The following CCDC91 variants were observed in gnomAD, a reference collection of about 807,000 sequenced individuals.
CCDC91 encodes coiled-coil domain containing 91, also known as coiled-coil domain-containing protein 91.
Under a neutral mutation model 63.2 loss-of-function variants are expected in CCDC91, and 48 were observed. The ratio of observed to expected loss-of-function variants is 0.76; its 90% CI spans 0.60 to 0.97. CCDC91 has a LOEUF of 0.97. Among genes scored for constraint, CCDC91 ranks in the 50% least tolerant of loss-of-function variants. The pLI is 0.00. For synonymous variants in CCDC91, 167 were observed against 165.8 expected (o/e 1.01, Z -0.06); for missense variants, 500 against 494.6 (o/e 1.01, Z -0.10).
intron 6 of CCDC91, among the ~76,000 whole-genome samples, chr12:28,326,971 G>A (rs1941069042): frequency 6.6e-6 from 1 of 152,092 alleles, no homozygotes; most frequent in South Asian, 2.1e-4. Flanking sequence ...AGAGCCGAAA[G>A]TCACAGATAT....
intron 1 of CCDC91, among the ~76,000 whole-genome samples, chr12:28,200,786 T>TGGTGGCC (rs1942178191): frequency 6.6e-6 from 1 of 151,678 alleles, no homozygotes; most frequent in Non-Finnish European, 1.5e-5. Flanking sequence ...AATGAGCTGT[T>TGGTGGCC]GGGTACACCT....
chr12:28,266,010 A>G (rs1306902893), intron 3 of CCDC91, among the ~76,000 whole-genome samples: 1 of 152,032 alleles, frequency 6.6e-6, no homozygotes, highest in Non-Finnish European at 1.5e-5. Context: ...TCTTTTTGCT[A>G]CATCTTGTAT....
At chr12:28,376,606 A>G (rs1944962808) in intron 7 of CCDC91, among the ~76,000 whole-genome samples, 4 of 151,860 alleles carry the variant, frequency 2.6e-5, no homozygotes, top group Admixed American at 2.6e-4. Context: ...CATGGAAAAA[A>G]TACAGGCATA....
intron 12 of CCDC91, among the ~76,000 whole-genome samples, chr12:28,502,319 A>G (rs953451085): frequency 3.3e-5 from 5 of 151,878 alleles, no homozygotes; most frequent in Non-Finnish European, 7.4e-5. Context: ...TCATGAGTGA[A>G]CTCCCATTCA....
Position 28,452,612 on chromosome 12 carries a change from G to A in CCDC91, c.1059G>A (p.Gln353=), listed in dbSNP as rs368453340. ...EHAKDQEKVS[Q]EIQKAIQEQR... Reference sequence around the variant, plus strand: ...CAAAAGATCAAGAAAAAGTATCTCAGGAAATTCAAAAAGCTATACAAGAAC... The same window carrying A: ...CAAAAGATCAAGAAAAAGTATCTCAAGAAATTCAAAAAGCTATACAAGAAC... Residue 353 remains glutamine (Q), a synonymous_variant, in exon 11 of 13, where the codon CAG becomes CAA. Coordinates refer to ENST00000536442, the MANE Select transcript of CCDC91 (RefSeq NM_018318.5). The A allele has an allele frequency of 1.4e-5, 22 of 1,570,720 alleles. No individual in the cohort carries two copies. Among genetic ancestry groups the A allele is most frequent in the Non-Finnish European group, 1.7e-5 (20 of 1,159,394 alleles).
intron 8 of CCDC91, among the ~76,000 whole-genome samples, chr12:28,436,533 C>CA (rs1948917872): frequency 6.6e-6 from 1 of 151,656 alleles, no homozygotes. Context: ...TTAAGAATAA[C>CA]AAAAATAAAA....
At chr12:28,353,955 AT>A (rs1943354733) in intron 6 of CCDC91, among the ~76,000 whole-genome samples, 1 of 152,154 alleles carries the variant, frequency 6.6e-6, no homozygotes, top group African/African-American at 2.4e-5. Context: ...AGTAGGCTTA[AT>A]ACCTGTATGA....
At chr12:28,209,827 A>AT (rs142206682) in intron 1 of CCDC91, among the ~76,000 whole-genome samples, 39,682 of 152,112 alleles carry the variant, frequency 0.26, 5,446 homozygotes, top group Non-Finnish European at 0.31. Flanking sequence ...AAAAATTTAC[A>AT]TCCCATGCTT....
At chr12:28,410,565 A>G (rs1947253447) in intron 8 of CCDC91, among the ~76,000 whole-genome samples, 1 of 152,100 alleles carries the variant, frequency 6.6e-6, no homozygotes, top group Admixed American at 6.6e-5. Flanking sequence ...TCTGTCAGCC[A>G]GGCTGGAGTG....
intron 6 of CCDC91, among the ~76,000 whole-genome samples, chr12:28,329,330 T>C (rs1404073370): frequency 6.6e-6 from 1 of 152,212 alleles, no homozygotes; most frequent in Non-Finnish European, 1.5e-5. Context: ...GTGGCATGTA[T>C]TTCATTCCCA....
intron 12 of CCDC91, among the ~76,000 whole-genome samples, chr12:28,486,530 AGATG>A (rs2140948101): frequency 6.6e-6 from 1 of 152,160 alleles, no homozygotes; most frequent in East Asian, 1.9e-4. Flanking sequence ...TCTTTGGTTG[AGATG>A]GATGATTTTT....
At chr12:28,340,485 TC>T (rs1273280117) in intron 6 of CCDC91, among the ~76,000 whole-genome samples, 1 of 152,248 alleles carries the variant, frequency 6.6e-6, no homozygotes, top group African/African-American at 2.4e-5. Flanking sequence ...TCATTACATT[TC>T]TTTTGCTGTG....
chr12:28,501,273 A>G (rs528760699), intron 12 of CCDC91, among the ~76,000 whole-genome samples: 51 of 151,910 alleles, frequency 3.4e-4, no homozygotes, highest in African/African-American at 1.2e-3. Flanking sequence ...GAGGGCATCC[A>G]TGTCTTGTGC....
At chr12:28,473,823 A>G (rs1950943290) in intron 11 of CCDC91, among the ~76,000 whole-genome samples, 1 of 152,052 alleles carries the variant, frequency 6.6e-6, no homozygotes, top group Non-Finnish European at 1.5e-5. Context: ...TATTCCAAAC[A>G]AGCTCCTTTC....
At chr12:28,379,622 C>G (rs1374124823) in intron 7 of CCDC91, among the ~76,000 whole-genome samples, 2 of 152,260 alleles carry the variant, frequency 1.3e-5, no homozygotes, top group East Asian at 3.9e-4. Flanking sequence ...CATCTCACAC[C>G]AGTTAGAATG....
intron 1 of CCDC91, chr12:28,255,564 T>C (rs975925457): frequency 3.3e-5 from 5 of 152,214 alleles, no homozygotes; most frequent in African/African-American, 1.2e-4. Flanking sequence ...TCTGAAAGTC[T>C]GGTTTATATT....
At chr12:28,242,645 G>A (rs1213102041) in intron 1 of CCDC91, among the ~76,000 whole-genome samples, 1 of 152,068 alleles carries the variant, frequency 6.6e-6, no homozygotes, top group African/African-American at 2.4e-5. Context: ...TGGGGTCTAG[G>A]TTGTTATCAA....
intron 6 of CCDC91, among the ~76,000 whole-genome samples, chr12:28,309,164 C>T (rs1939054525): frequency 6.6e-6 from 1 of 151,906 alleles, no homozygotes; most frequent in South Asian, 2.1e-4. Context: ...AAATACAAAA[C>T]TTGGAAATAA....
In CCDC91 at chr12:28,296,717, C is replaced by A. The variant is rs190850680; in HGVS notation, c.110-8932C>A. On this transcript the variant is annotated intron_variant, in intron 3 of 12. Transcript: ENST00000536442. ...GATAGAAACAAGGATTTTCTAAACA[C>A]TGACTTTCACCATTTTCTGTAAATT... 3.3e-5 allele frequency among the ~76,000 whole-genome samples: 5 copies of A among 152,040 alleles called. No homozygotes were observed. In the South Asian group the frequency reaches 1.0e-3, roughly 32 times the overall value.
Sources: allele counts gnomAD v4.1 joint callset (sites outside exome capture counted in the v4.1 genomes callset), GRCh38; gene constraint gnomAD v4.1.1; transcripts MANE v1.5; gene names NCBI Gene and HGNC (gene_info 2026-07-23, HGNC 2026-07-21).